The following TAF4B variants were observed in gnomAD, a reference collection of about 807,000 sequenced individuals.
TAF4B encodes TATA-box binding protein associated factor 4b, also known as transcription initiation factor TFIID subunit 4B.
TAF4B carries 38 observed loss-of-function variants against 86.4 expected under a neutral mutation model. The observed-to-expected ratio is 0.44, with a 90% CI of 0.34 to 0.58. The LOEUF (loss-of-function observed/expected upper bound fraction) is 0.58, where lower values mean the gene tolerates loss of function less well. Among genes scored for constraint, TAF4B ranks in the 20% least tolerant of loss-of-function variants. The pLI is 0.02. For missense variants in TAF4B, 988 were observed against 1,027.6 expected (o/e 0.96, Z 0.53); for synonymous variants, 388 against 391.2 (o/e 0.99, Z 0.10).
At chr18:26,320,294 A>AT (rs1389121014) in intron 10 of TAF4B, among the ~76,000 whole-genome samples, 5 of 152,354 alleles carry the variant, frequency 3.3e-5, no homozygotes, top group Non-Finnish European at 5.9e-5. Flanking sequence ...CTCTGTTGAT[A>AT]TAAGTGGTTT....
intron 3 of TAF4B, among the ~76,000 whole-genome samples, chr18:26,268,996 G>C (rs1445913132): frequency 2.0e-5 from 3 of 151,796 alleles, no homozygotes; most frequent in Non-Finnish European, 4.4e-5. Context: ...CTGATTTTTT[G>C]TATTTTTAGT....
intron 3 of TAF4B, among the ~76,000 whole-genome samples, chr18:26,269,834 T>C (rs2056290358): frequency 6.6e-6 from 1 of 152,166 alleles, no homozygotes; most frequent in African/African-American, 2.4e-5. Context: ...ATTTGAGCCT[T>C]TATCTGACTC....
intron 1 of TAF4B, chr18:26,256,139 T>G: frequency 6.9e-7 from 1 of 1,440,102 alleles, no homozygotes. Flanking sequence ...ATGATTCCAG[T>G]TTTTTTTTTG....
rs775956410 is a variant in TAF4B at position 26,267,509 on chromosome 18, C to G, written c.490-7C>G. The G allele has an allele frequency of 1.2e-6, 2 of 1,609,286 alleles. No homozygotes were observed. Among genetic ancestry groups the G allele is most frequent in the Middle Eastern group, 3.3e-4 (2 of 6,074 alleles). On this transcript the variant is annotated splice_region_variant and splice_polypyrimidine_tract_variant and intron_variant, in intron 2 of 14. Transcript: ENST00000269142. The stretch of plus-strand genomic sequence containing the variant: ...TTTGTGTTATCTTGCTCCCCTCCAC[C>G]GCCAAGAACTCTAGCTCACAATTAA...
rs550724323 is a variant in TAF4B at position 26,344,560 on chromosome 18, A to G, written c.2316+9329A>G. 2.0e-5 allele frequency among the ~76,000 whole-genome samples: 3 copies of G among 152,340 alleles called. No homozygotes were observed. The South Asian group carries it at 6.2e-4, about 32-fold the overall frequency. On this transcript the variant is annotated intron_variant, in intron 13 of 14. Transcript: ENST00000269142. ...GAGTTGCTGTAAGACTATTAAGGAA[A>G]TTATTCACAATGAAGTCAGATGACA...
At chr18:26,382,568 CA>C (rs1978295747) in intron 14 of TAF4B, among the ~76,000 whole-genome samples, 1 of 151,998 alleles carries the variant, frequency 6.6e-6, no homozygotes, top group Admixed American at 6.5e-5. Flanking sequence ...AATAAACCAT[CA>C]AAGGACTTTA....
At chr18:26,311,537 CT>C (rs765246583) in intron 9 of TAF4B, among the ~76,000 whole-genome samples, 11 of 152,242 alleles carry the variant, frequency 7.2e-5, no homozygotes, top group African/African-American at 9.6e-5. Flanking sequence ...ATGAGAATCG[CT>C]TGAACCCAGG....
intron 13 of TAF4B, among the ~76,000 whole-genome samples, chr18:26,338,470 AT>A (rs764826705): frequency 2.9e-4 from 21 of 71,200 alleles, no homozygotes; most frequent in East Asian, 1.1e-3. Flanking sequence ...AAGAACTAGA[AT>A]TTTTTTTTTT....
Position 26,274,552 on chromosome 18 carries a change from T to C in TAF4B, c.598-111T>C. The C allele has an allele frequency of 1.7e-6, 2 of 1,207,154 alleles. 1 individual carries two copies. The highest frequency in any genetic ancestry group is 2.9e-5 in the South Asian group (2 of 69,960). 74.8% of individuals were successfully genotyped at this position (1,207,154 alleles called of 1,614,324 possible). On this transcript the variant is annotated intron_variant, in intron 3 of 14. Transcript: ENST00000269142. Reference sequence around the variant, plus strand: ...TATATTGCCTTAGACTACTAGAGCATAACATAAAACCACAGATGTCAAAAT... The same window carrying C: ...TATATTGCCTTAGACTACTAGAGCACAACATAAAACCACAGATGTCAAAAT...
chr18:26,380,863 GC>G (rs148745240), intron 14 of TAF4B, among the ~76,000 whole-genome samples: 2,923 of 151,792 alleles, frequency 0.019, 79 homozygotes, highest in African/African-American at 0.067. Context: ...TGTAAATACT[GC>G]TATGACTGGA....
chr18:26,295,888 A>G (rs1434622328), intron 9 of TAF4B, among the ~76,000 whole-genome samples: 2 of 151,968 alleles, frequency 1.3e-5, no homozygotes, highest in Admixed American at 6.6e-5. Flanking sequence ...TGGTTCCTCA[A>G]TTCCTATTTG....
intron 1 of TAF4B, among the ~76,000 whole-genome samples, chr18:26,249,676 TATC>T (rs1335674698): frequency 2.0e-5 from 3 of 152,242 alleles, no homozygotes; most frequent in African/African-American, 7.2e-5. Context: ...GATTTTCACT[TATC>T]ATTATATGGT....
chr18:26,359,469 C>G (rs1344492268), intron 14 of TAF4B, among the ~76,000 whole-genome samples: 3 of 152,046 alleles, frequency 2.0e-5, no homozygotes, highest in Non-Finnish European at 4.4e-5. Flanking sequence ...TATAATCAAC[C>G]CTCATATGGT....
Position 26,379,762 on chromosome 18 carries a change from A to G in TAF4B, c.2422-10083A>G, listed in dbSNP as rs543887777. On this transcript the variant is annotated intron_variant, in intron 14 of 14. Coordinates refer to ENST00000269142, the MANE Select transcript of TAF4B (RefSeq NM_005640.3). ...TCTTTATTAGGATGGCATTGAATCT[A>G]TAGATCAATTTGCAGAGAATTTACA... Among the ~76,000 whole-genome samples the G allele has an allele frequency of 5.3e-4, 80 of 152,262 alleles. 1 individual carries two copies. Among genetic ancestry groups the G allele is most frequent in the African/African-American group, 1.8e-3 (75 of 41,590 alleles).
Position 26,346,781 on chromosome 18 carries a change from GTATATATATATATATATGTGTA to G in TAF4B, c.2317-10895_2317-10874del, listed in dbSNP as rs2057187595. Among the ~76,000 whole-genome samples, 3 of 19,344 alleles carry G rather than the reference GTATATATATATATATATGTGTA, an allele frequency of 1.6e-4. 1 individual carries two copies. Among genetic ancestry groups the G allele is most frequent in the Non-Finnish European group, 2.5e-4 (2 of 8,128 alleles). The allele number at this position is 19,344 out of a possible 152,430, so 12.7% of individuals were successfully genotyped here. A position where few individuals can be genotyped will look rare whatever the true frequency, so the allele number is the denominator to read the frequency against. ...TGTGTATATATATATATATGTGTGT[GTATATATATATATATATGTGTA>G]TATATATATATATGTGTGTGTATAT... On this transcript the variant is annotated intron_variant, in intron 13 of 14. Coordinates refer to ENST00000269142, the MANE Select transcript of TAF4B (RefSeq NM_005640.3).
At chr18:26,341,984 A>G (rs2057140469) in intron 13 of TAF4B, among the ~76,000 whole-genome samples, 2 of 152,066 alleles carry the variant, frequency 1.3e-5, no homozygotes, top group African/African-American at 4.8e-5. Context: ...AATGATTCAG[A>G]TGTAATTATC....
At position 26,265,286 on chromosome 18, in the gene TAF4B, C is replaced by G; in HGVS notation, c.460C>G (p.Pro154Ala). The G allele has an allele frequency of 6.2e-7, 1 of 1,613,598 alleles. No individual in the cohort carries two copies. Among genetic ancestry groups the G allele is most frequent in the Non-Finnish European group, 8.5e-7 (1 of 1,179,914 alleles). ...ITSRPAVPAN[P>A]QTVKICTVPN... Reference sequence around the variant, plus strand: ...CTCAAGGCCAGCAGTACCAGCGAATCCTCAAACAGTCAAAATCTGTACAGT... The same window carrying G: ...CTCAAGGCCAGCAGTACCAGCGAATGCTCAAACAGTCAAAATCTGTACAGT... Residue 154 changes from proline (P) to alanine (A), a missense_variant, in exon 2 of 15, where the codon CCT becomes GCT. Transcript: ENST00000269142.
chr18:26,376,519 AT>A (rs201177269), intron 14 of TAF4B, among the ~76,000 whole-genome samples: 13,621 of 146,682 alleles, frequency 0.093, 645 homozygotes, highest in Non-Finnish European at 0.1. Context: ...TTGTACATTG[AT>A]TTTTTTTTTT....
chr18:26,327,884 C>T (rs544166833), intron 12 of TAF4B, among the ~76,000 whole-genome samples: 3 of 152,292 alleles, frequency 2.0e-5, no homozygotes, highest in African/African-American at 7.2e-5. Flanking sequence ...CCCGCCTGGC[C>T]AAGGCTATTT....
Sources: allele counts gnomAD v4.1 joint callset (sites outside exome capture counted in the v4.1 genomes callset), GRCh38; gene constraint gnomAD v4.1.1; transcripts MANE v1.5; gene names NCBI Gene and HGNC (gene_info 2026-07-23, HGNC 2026-07-21).